The following TRHR variants were observed in gnomAD, a reference collection of about 807,000 sequenced individuals.
TRHR encodes the protein thyrotropin releasing hormone receptor, also known as thyrotropin-releasing hormone receptor.
TRHR carries 14 observed loss-of-function variants against 28.0 expected under a neutral mutation model. The observed-to-expected ratio is 0.50, with a 90% CI of 0.33 to 0.78. The LOEUF (loss-of-function observed/expected upper bound fraction) is 0.78. TRHR is among the 30% of genes least tolerant of loss of function. The probability of loss-of-function intolerance (pLI) is 0.02; values close to 1 mark genes in which losing one functional copy is unlikely to be tolerated. For synonymous variants in TRHR, 176 were observed against 171.9 expected (o/e 1.02, Z -0.18); for missense variants, 438 against 469.5 (o/e 0.93, Z 0.62).
chr8:109,097,421 G>A (rs926080195), intron 2 of TRHR, among the ~76,000 whole-genome samples: 2 of 151,800 alleles, frequency 1.3e-5, no homozygotes, highest in East Asian at 1.9e-4. Flanking sequence ...TTGTTCATCC[G>A]TTATCTCTTC....
intron 2 of TRHR, among the ~76,000 whole-genome samples, chr8:109,116,079 G>C (rs1338058732): frequency 6.6e-6 from 1 of 152,094 alleles, no homozygotes; most frequent in African/African-American, 2.4e-5. Flanking sequence ...TTTGTCGTTG[G>C]TTCTGTTTAT....
intron 2 of TRHR, among the ~76,000 whole-genome samples, chr8:109,102,110 C>G (rs4735093): frequency 0.58 from 88,633 of 152,000 alleles, 27,915 homozygotes; most frequent in African/African-American, 0.83. Flanking sequence ...CATAATGTTG[C>G]TGAATGATGA....
At chr8:109,090,452 G>T (rs3110036) in intron 2 of TRHR, among the ~76,000 whole-genome samples, 1 of 151,956 alleles carries the variant, frequency 6.6e-6, no homozygotes, top group Non-Finnish European at 1.5e-5. Context: ...TGAGCATTTG[G>T]GGTTGTCACA....
intron 2 of TRHR, among the ~76,000 whole-genome samples, chr8:109,099,252 A>T (rs1292875428): frequency 6.6e-6 from 1 of 152,132 alleles, no homozygotes; most frequent in East Asian, 1.9e-4. Flanking sequence ...ATAATAATGG[A>T]AAGGTGTGGT....
At chr8:109,102,125 A>G (rs1811686492) in intron 2 of TRHR, among the ~76,000 whole-genome samples, 1 of 152,154 alleles carries the variant, frequency 6.6e-6, no homozygotes, top group Non-Finnish European at 1.5e-5. Flanking sequence ...TGATGAATGG[A>G]GGAAAAACTA....
Position 109,088,288 on chromosome 8 carries a change from C to G in TRHR, c.776C>G (p.Ser259Cys). ...AATAGATGTTTCAACAGCACAGTAT[C>G]TTCAAGGAAGCAGGTAAGCAAAACT... ...TSNRCFNSTVSSRKQVTKMLA... is the reference protein window; with the variant it reads ...TSNRCFNSTVCSRKQVTKMLA... Residue 259 changes from serine to cysteine, a missense_variant, in exon 2 of 3, where the codon TCT (serine) becomes TGT (cysteine). Transcript: ENST00000518632. The G allele has an allele frequency of 6.2e-7, 1 of 1,613,630 alleles. No individual in the cohort carries two copies. Among genetic ancestry groups the G allele is most frequent in the Non-Finnish European group, 8.5e-7 (1 of 1,179,980 alleles).
chr8:109,091,094 G>A (rs553959162), intron 2 of TRHR, among the ~76,000 whole-genome samples: 3 of 152,260 alleles, frequency 2.0e-5, no homozygotes, highest in African/African-American at 7.2e-5. Flanking sequence ...GACAGCCGTC[G>A]GGGAGGCAGA....
intron 2 of TRHR, among the ~76,000 whole-genome samples, chr8:109,115,132 C>T (rs4734191): frequency 0.4 from 60,598 of 151,778 alleles, 12,351 homozygotes; most frequent in Admixed American, 0.5. Context: ...TGTAGATATG[C>T]GGCGTTATTT....
intron 2 of TRHR, among the ~76,000 whole-genome samples, chr8:109,093,567 A>G (rs914097656): frequency 2.0e-5 from 3 of 151,500 alleles, no homozygotes; most frequent in East Asian, 1.9e-4. Context: ...CACCATGGCC[A>G]GCTAATTTTT....
chr8:109,117,197 G>A (rs965750211), intron 2 of TRHR, among the ~76,000 whole-genome samples: 5 of 151,944 alleles, frequency 3.3e-5, no homozygotes, highest in East Asian at 1.9e-4. Context: ...CAGTAGAAAT[G>A]TTATCGAAAA....
At chr8:109,087,360 T>C in intron 1 of TRHR, 65 bp from the exon 2 acceptor site, 7 of 829,432 alleles carry the variant, frequency 8.4e-6, no homozygotes, top group Non-Finnish European at 1.2e-5. Flanking sequence ...TGACGGTTAT[T>C]TGTGATTGGG....
At chr8:109,113,531 G>A (rs1457924592) in intron 2 of TRHR, among the ~76,000 whole-genome samples, 2 of 152,026 alleles carry the variant, frequency 1.3e-5, no homozygotes, top group Non-Finnish European at 1.5e-5. Flanking sequence ...TATTCTAGAT[G>A]GTATCCTGCA....
intron 2 of TRHR, among the ~76,000 whole-genome samples, chr8:109,095,225 C>T (rs1811571284): frequency 6.6e-6 from 1 of 151,972 alleles, no homozygotes; most frequent in South Asian, 2.1e-4. Context: ...TAATATGGGC[C>T]ATGTACACAA....
chr8:109,115,793 T>A (rs544446845), intron 2 of TRHR, among the ~76,000 whole-genome samples: 8 of 152,192 alleles, frequency 5.3e-5, no homozygotes, highest in African/African-American at 1.9e-4. Context: ...TTGAATACCC[T>A]TTATTTCTTT....
At chr8:109,099,993 G>A (rs565016309) in intron 2 of TRHR, among the ~76,000 whole-genome samples, 1 of 152,208 alleles carries the variant, frequency 6.6e-6, no homozygotes, top group African/African-American at 2.4e-5. Context: ...GAGTGAGAGA[G>A]GACAGAGGCA....
At chr8:109,116,617 T>G (rs1433495856) in intron 2 of TRHR, among the ~76,000 whole-genome samples, 1 of 152,130 alleles carries the variant, frequency 6.6e-6, no homozygotes, top group Non-Finnish European at 1.5e-5. Context: ...ATTCTGATGG[T>G]AGTTTGTATT....
intron 2 of TRHR, among the ~76,000 whole-genome samples, chr8:109,105,360 T>G (rs1180365070): frequency 6.6e-6 from 1 of 152,176 alleles, no homozygotes; most frequent in Non-Finnish European, 1.5e-5. Context: ...AGATAGAGGC[T>G]ATATCTGCCC....
rs1194556563 is a variant in TRHR at position 109,087,599 on chromosome 8, C to T, written c.87C>T (p.Ile29=). The change falls in exon 2 of 3, where the codon ATC becomes ATT. Residue 29 remains isoleucine, a synonymous_variant. Coordinates refer to ENST00000518632, the MANE Select transcript of TRHR (RefSeq NM_003301.7). ...CCTTAGAATACCAGGTGGTCACCAT[C>T]TTACTTGTACTCATTATTTGTGGCC... ...VVALEYQVVT[I]LLVLIICGLG... is the part of the protein sequence containing the mutation. 6.2e-7 allele frequency: 1 copy of T among 1,614,084 alleles called. No individual in the cohort carries two copies. The highest frequency in any genetic ancestry group is 2.2e-5 in the East Asian group (1 of 44,894).
chr8:109,116,230 C>T (rs561165775), intron 2 of TRHR, among the ~76,000 whole-genome samples: 1 of 152,150 alleles, frequency 6.6e-6, no homozygotes, highest in Admixed American at 6.6e-5. Context: ...ACTTTTGCAT[C>T]GATGTTCATC....
Sources: allele counts gnomAD v4.1 joint callset (sites outside exome capture counted in the v4.1 genomes callset), GRCh38; gene constraint gnomAD v4.1.1; transcripts MANE v1.5; gene names NCBI Gene and HGNC (gene_info 2026-07-23, HGNC 2026-07-21).